Variants in NCKAP5 observed in about 807,000 individuals in gnomAD.
NCKAP5 encodes NCK associated protein 5.
Under a neutral mutation model 167.0 loss-of-function variants are expected in NCKAP5, and 92 were observed. The observed-to-expected ratio is 0.55, with a 90% CI of 0.47 to 0.66. The LOEUF (loss-of-function observed/expected upper bound fraction) is 0.66. Among genes scored for constraint, NCKAP5 ranks in the 30% least tolerant of loss-of-function variants. The pLI, the probability that NCKAP5 is intolerant of heterozygous loss-of-function variation, is 0.00. For missense variants in NCKAP5, 2,378 were observed against 2,315.0 expected (o/e 1.03, Z -0.56); for synonymous variants, 891 against 877.4 (o/e 1.02, Z -0.27).
intron 4 of NCKAP5, among the ~76,000 whole-genome samples, chr2:133,234,013 A>T (rs2087277703): frequency 1.3e-5 from 2 of 152,216 alleles, no homozygotes; most frequent in Admixed American, 1.3e-4. Context: ...GGGCCAGACA[A>T]CCAGACTAAA....
intron 7 of NCKAP5, among the ~76,000 whole-genome samples, chr2:132,989,939 C>A (rs1263925494): frequency 6.6e-6 from 1 of 152,086 alleles, no homozygotes; most frequent in Non-Finnish European, 1.5e-5. Flanking sequence ...ATAAGATCCA[C>A]GTTGTGTAAG....
chr2:133,529,862 C>A (rs990296777), intron 2 of NCKAP5, among the ~76,000 whole-genome samples: 1 of 152,142 alleles, frequency 6.6e-6, no homozygotes, highest in African/African-American at 2.4e-5. Flanking sequence ...ATTATTTGCT[C>A]ATTCTCCTAT....
At chr2:133,578,901 A>G in the NCKAP5 span, among the ~76,000 whole-genome samples, 1 of 152,244 alleles carries the variant, frequency 6.6e-6, no homozygotes, top group Non-Finnish European at 1.5e-5. Context: ...AGGGTAAGAA[A>G]TTAAAATCTG....
At chr2:133,005,205 T>C (rs954655974) in intron 6 of NCKAP5, among the ~76,000 whole-genome samples, 54 of 152,110 alleles carry the variant, frequency 3.6e-4, no homozygotes, top group African/African-American at 1.1e-3. Context: ...ATTATAAGAG[T>C]ATTGATTGGG....
chr2:132,724,347 T>C lies in NCKAP5; in HGVS notation c.5713+1280A>G, dbSNP rs61465594. Reference sequence around the variant, plus strand: ...TATCTGGAAGGGATCTTTGTCCATTTACTCACTGCTGGAAAACTGGCTCAG... The same window carrying C: ...TATCTGGAAGGGATCTTTGTCCATTCACTCACTGCTGGAAAACTGGCTCAG... On this transcript the variant is annotated intron_variant, in intron 19 of 19. Transcript: ENST00000409261. Among the ~76,000 whole-genome samples, 1,069 of 152,320 alleles carry C rather than the reference T, an allele frequency of 7.0e-3. 16 individuals are homozygous for C. Among genetic ancestry groups the C allele is most frequent in the African/African-American group, 0.023 (965 of 41,574 alleles).
At chr2:133,504,745 G>A (rs993531941) in intron 3 of NCKAP5, among the ~76,000 whole-genome samples, 1 of 152,230 alleles carries the variant, frequency 6.6e-6, no homozygotes, top group Non-Finnish European at 1.5e-5. Flanking sequence ...CGAGGGGCCA[G>A]TTCCCAGGGT....
intron 8 of NCKAP5, among the ~76,000 whole-genome samples, chr2:132,948,083 AAAAGTT>A (rs2149129092): frequency 6.6e-6 from 1 of 152,320 alleles, no homozygotes; most frequent in African/African-American, 2.4e-5. Context: ...GGGAACTGTG[AAAAGTT>A]TCTGTGGGCA....
At chr2:133,003,014 C>G (rs2149337620) in intron 6 of NCKAP5, among the ~76,000 whole-genome samples, 1 of 152,250 alleles carries the variant, frequency 6.6e-6, no homozygotes, top group Non-Finnish European at 1.5e-5. Context: ...TAAAACAAAC[C>G]AAATATCTAA....
intron 3 of NCKAP5, among the ~76,000 whole-genome samples, chr2:133,486,009 T>G (rs1680873950): frequency 6.6e-6 from 1 of 152,180 alleles, no homozygotes; most frequent in African/African-American, 2.4e-5. Flanking sequence ...GTCATGTAGT[T>G]AATTGGAAAA....
chr2:133,518,386 G>A (rs189691384), intron 2 of NCKAP5, among the ~76,000 whole-genome samples: 5,822 of 108,372 alleles, frequency 0.054, 168 homozygotes, highest in South Asian at 0.083. Flanking sequence ...ATGGAATCTC[G>A]CTCTGTCACC....
At chr2:132,774,871 T>C (rs916700348) in intron 15 of NCKAP5, among the ~76,000 whole-genome samples, 8 of 152,234 alleles carry the variant, frequency 5.3e-5, no homozygotes, top group South Asian at 2.1e-4. Context: ...CCCAAAGCAA[T>C]AGAGAAGGTA....
chr2:133,388,823 G>A (rs1687188581), intron 3 of NCKAP5, among the ~76,000 whole-genome samples: 1 of 152,244 alleles, frequency 6.6e-6, no homozygotes, highest in African/African-American at 2.4e-5. Flanking sequence ...GTGGGCGTGG[G>A]ACCCTCCGAG....
chr2:132,796,022 A>G (rs759391735), intron 12 of NCKAP5, among the ~76,000 whole-genome samples: 13 of 152,114 alleles, frequency 8.5e-5, no homozygotes, highest in Admixed American at 3.3e-4. Context: ...CTAACTTGAG[A>G]ATATTTACAT....
chr2:132,882,677 T>C lies in NCKAP5; in HGVS notation c.580-3761A>G, dbSNP rs145438970. 7.9e-3 allele frequency among the ~76,000 whole-genome samples: 1,196 copies of C among 152,338 alleles called. 7 individuals carry two copies. The highest frequency in any genetic ancestry group is 0.027 in the Middle Eastern group (8 of 294). On this transcript the variant is annotated intron_variant, in intron 8 of 19. Coordinates refer to ENST00000409261, the MANE Select transcript of NCKAP5 (RefSeq NM_207363.3). ...TGAAATTCGGTTCAGTTCATTTGTT[T>C]CTGATAGTATTCAAATTTAATTTCC...
intron 11 of NCKAP5, among the ~76,000 whole-genome samples, chr2:132,812,959 C>T (rs888987379): frequency 1.6e-4 from 24 of 152,262 alleles, no homozygotes; most frequent in African/African-American, 5.5e-4. Flanking sequence ...CTCTCATGCT[C>T]GTGATCTAAT....
chr2:132,899,105 T>G (rs369968074), intron 8 of NCKAP5, among the ~76,000 whole-genome samples: 1 of 152,218 alleles, frequency 6.6e-6, no homozygotes. Flanking sequence ...GTAGCTTTCA[T>G]CCATTATTTG....
rs191336418 is a variant in NCKAP5, at chr2:132,962,983, T to C, written c.579+737A>G. Among the ~76,000 whole-genome samples, 17 of 152,182 alleles carry C rather than the reference T, an allele frequency of 1.1e-4. No individual in the cohort carries two copies. The East Asian group carries it at 3.1e-3, about 28-fold the overall frequency. On this transcript the variant is annotated intron_variant, in intron 8 of 19. Transcript: ENST00000409261. ...TTTTAGATGTTGGGTGAAGGCCCTT[T>C]ATAAGCTTATCGAAAGGACGTAAGT...
intron 6 of NCKAP5, among the ~76,000 whole-genome samples, chr2:133,011,949 C>A (rs182514027): frequency 2.6e-5 from 4 of 152,250 alleles, no homozygotes; most frequent in African/African-American, 7.2e-5. Context: ...ATTGCTGGAC[C>A]CCTTGCTTCC....
chr2:132,932,872 C>A (rs966070026), intron 8 of NCKAP5, among the ~76,000 whole-genome samples: 4 of 150,270 alleles, frequency 2.7e-5, no homozygotes, highest in African/African-American at 9.8e-5. Flanking sequence ...GGTAAACAGG[C>A]GTAGTTCAAT....
Sources: gnomAD v4.1 joint callset for allele counts (sites outside exome capture counted in the v4.1 genomes callset) on GRCh38, gnomAD v4.1.1 for gene constraint, MANE v1.5 for transcripts, NCBI Gene and HGNC (gene_info 2026-07-23, HGNC 2026-07-21) for gene names.